Variants in IFT43 observed in about 807,000 individuals in gnomAD.
IFT43 encodes the protein intraflagellar transport protein 43 homolog.
Under a neutral mutation model 32.3 loss-of-function variants are expected in IFT43, and 33 were observed. The observed-to-expected ratio is 1.02, with a 90% CI of 0.77 to 1.37. IFT43 has a LOEUF of 1.37. Among genes scored for constraint, IFT43 ranks in the 40% most tolerant of loss-of-function variants. The pLI, the probability that IFT43 is intolerant of heterozygous loss-of-function variation, is 0.00. For missense variants in IFT43, 274 were observed against 265.9 expected (o/e 1.03, Z -0.21); for synonymous variants, 93 against 98.2 (o/e 0.95, Z 0.31).
At chr14:76,075,003 T>A (rs1397730719) in intron 5 of IFT43, among the ~76,000 whole-genome samples, 2 of 152,140 alleles carry the variant, frequency 1.3e-5, no homozygotes, top group African/African-American at 4.8e-5. Flanking sequence ...AGAGATTCAG[T>A]TTGGAGGAGC....
chr14:76,003,344 CG>C (rs1208177122), intron 2 of IFT43, among the ~76,000 whole-genome samples: 1 of 151,944 alleles, frequency 6.6e-6, no homozygotes, highest in African/African-American at 2.4e-5. Flanking sequence ...ATACCATGGC[CG>C]GGTTTGGTGG....
chr14:75,986,381 C>T, intron 1 of IFT43: 1 of 898,406 alleles, frequency 1.1e-6, no homozygotes, highest in Non-Finnish European at 1.5e-6. Flanking sequence ...CGATTTGTAA[C>T]GTGAGGGAGT....
chr14:76,071,550 T>A (rs1367440027), intron 5 of IFT43, among the ~76,000 whole-genome samples: 1 of 152,062 alleles, frequency 6.6e-6, no homozygotes, highest in African/African-American at 2.4e-5. Context: ...GATTTCAAAC[T>A]CCCAACATGA....
At position 75,985,806 on chromosome 14, in the gene IFT43, T is replaced by A. The variant is rs761189937; in HGVS notation, c.20T>A (p.Leu7Ter). 4.3e-6 allele frequency: 7 copies of A among 1,614,122 alleles called. No homozygotes were observed. Among genetic ancestry groups the A allele is most frequent in the Non-Finnish European group, 5.9e-6 (7 of 1,180,016 alleles). Residue 7 changes from leucine to a stop codon, truncating the protein, a stop_gained, in exon 1 of 9, where the codon TTG becomes TAG. Transcript: ENST00000314067. LOFTEE classifies it high-confidence loss of function. ...GCGGAGATGGAGGATTTGCTCGACT[T>A]GGACGAGGAGCTTCGCTACAGCTTG... Reference protein sequence around the residue: MEDLLDLDEELRYSLAT... With the variant: MEDLLD
chr14:76,006,127 A>T (rs1171136738), intron 2 of IFT43, among the ~76,000 whole-genome samples: 1 of 152,200 alleles, frequency 6.6e-6, no homozygotes, highest in Non-Finnish European at 1.5e-5. Context: ...GGAAGTAATG[A>T]CCAGAAACAT....
intron 3 of IFT43, among the ~76,000 whole-genome samples, chr14:76,041,934 T>G (rs865896041): frequency 3.3e-5 from 5 of 152,246 alleles, no homozygotes; most frequent in Admixed American, 6.5e-5. Flanking sequence ...ATTTAGGTTC[T>G]TTCTTTCTAT....
At chr14:76,058,948 T>C (rs2037078043) in intron 4 of IFT43, 2 of 1,440,242 alleles carry the variant, frequency 1.4e-6, no homozygotes, top group Non-Finnish European at 9.0e-7. Flanking sequence ...GCCTTCTGCA[T>C]TATTGATATA....
intron 3 of IFT43, among the ~76,000 whole-genome samples, chr14:76,033,875 CT>C (rs1273381368): frequency 1.9e-4 from 29 of 152,282 alleles, no homozygotes; most frequent in African/African-American, 7.0e-4. Flanking sequence ...ATGAGTAACA[CT>C]GGTGATGGGA....
At chr14:76,035,698 T>C (rs905575261) in intron 3 of IFT43, among the ~76,000 whole-genome samples, 1 of 152,216 alleles carries the variant, frequency 6.6e-6, no homozygotes, top group African/African-American at 2.4e-5. Flanking sequence ...AGGCTGTCCA[T>C]CCCCATAGAA....
intron 5 of IFT43, among the ~76,000 whole-genome samples, chr14:76,081,918 C>G (rs945642316): frequency 6.6e-6 from 1 of 152,214 alleles, no homozygotes; most frequent in African/African-American, 2.4e-5. Flanking sequence ...GCCAGGCTCA[C>G]TTGTCAGTTC....
At chr14:76,068,541 A>G (rs1359956680) in intron 5 of IFT43, among the ~76,000 whole-genome samples, 1 of 152,246 alleles carries the variant, frequency 6.6e-6, no homozygotes, top group Non-Finnish European at 1.5e-5. Context: ...AGAATGATGG[A>G]CAGCCAGAAC....
intron 2 of IFT43, among the ~76,000 whole-genome samples, chr14:76,016,126 C>T (rs1346115985): frequency 2.0e-5 from 3 of 152,158 alleles, no homozygotes; most frequent in Admixed American, 6.5e-5. Flanking sequence ...TTTATCCTTA[C>T]ACTGTGTTAA....
intron 3 of IFT43, among the ~76,000 whole-genome samples, chr14:76,031,378 C>G (rs114049582): frequency 0.013 from 1,943 of 152,214 alleles, 52 homozygotes; most frequent in African/African-American, 0.044. Context: ...TGTACTTACC[C>G]GAGTCTGCTT....
chr14:76,016,543 T>C (rs2036191740), intron 2 of IFT43, among the ~76,000 whole-genome samples: 1 of 152,202 alleles, frequency 6.6e-6, no homozygotes, highest in African/African-American at 2.4e-5. Context: ...ATTCAGGCCC[T>C]TTTGTGGTCC....
intron 5 of IFT43, among the ~76,000 whole-genome samples, chr14:76,063,055 T>C (rs1423891493): frequency 2.0e-5 from 3 of 152,170 alleles, no homozygotes; most frequent in Non-Finnish European, 4.4e-5. Flanking sequence ...GTTTCAAAGC[T>C]TCATTAGGGC....
At chr14:76,069,349 G>C (rs2140074466) in intron 5 of IFT43, among the ~76,000 whole-genome samples, 1 of 152,282 alleles carries the variant, frequency 6.6e-6, no homozygotes, top group African/African-American at 2.4e-5. Flanking sequence ...TTCAACTTGA[G>C]AGCAGAGTAG....
chr14:76,001,634 G>A (rs34482483), intron 2 of IFT43, among the ~76,000 whole-genome samples: 49,472 of 152,188 alleles, frequency 0.33, 9,355 homozygotes, highest in Non-Finnish European at 0.42. Context: ...TAGTTGGCTT[G>A]ATCCAGGCTT....
chr14:76,070,382 A>G (rs2037300045), intron 5 of IFT43, among the ~76,000 whole-genome samples: 1 of 152,102 alleles, frequency 6.6e-6, no homozygotes, highest in Non-Finnish European at 1.5e-5. Flanking sequence ...GCTTTGTCAT[A>G]GAGAGAAAGT....
At chr14:76,027,917 C>T (rs1429743431) in intron 3 of IFT43, among the ~76,000 whole-genome samples, 2 of 151,988 alleles carry the variant, frequency 1.3e-5, no homozygotes, top group Admixed American at 6.6e-5. Context: ...TTTTTAGTCT[C>T]TCTTGATGTA....
Sources: allele counts gnomAD v4.1 joint callset (sites outside exome capture counted in the v4.1 genomes callset), GRCh38; gene constraint gnomAD v4.1.1; transcripts MANE v1.5; gene names NCBI Gene and HGNC (gene_info 2026-07-23, HGNC 2026-07-21).